The following NEB variants were observed in gnomAD, a reference collection of about 807,000 sequenced individuals.
NEB encodes nemaline myopathy type 2.
NEB carries 512 observed loss-of-function variants against 952.2 expected under a neutral mutation model. That is an observed-to-expected ratio of 0.54 (90% CI 0.50 to 0.58). The LOEUF (loss-of-function observed/expected upper bound fraction) is 0.58. NEB is among the 20% of genes least tolerant of loss of function. NEB has a pLI of 0.00. For missense variants in NEB, 8,428 were observed against 9,231.1 expected (o/e 0.91, Z 3.56); for synonymous variants, 2,900 against 3,149.8 (o/e 0.92, Z 2.66).
intron 125 of NEB, among the ~76,000 whole-genome samples, chr2:151,554,393 C>T (rs1373305404): frequency 6.6e-6 from 1 of 151,746 alleles, no homozygotes; most frequent in African/African-American, 2.4e-5. Context: ...AGATTCCAAT[C>T]GCTACAAAAA....
At chr2:151,571,407 T>C (rs1032504590) in intron 107 of NEB, among the ~76,000 whole-genome samples, 1 of 152,246 alleles carries the variant, frequency 6.6e-6, no homozygotes, top group Non-Finnish European at 1.5e-5. Flanking sequence ...TGTTGGTGTA[T>C]TGGTAACATT....
intron 124 of NEB, 29 bp downstream of exon 124, chr2:151,560,563 G>GGGGGGGGGGA: frequency 7.5e-7 from 1 of 1,325,120 alleles, no homozygotes; most frequent in Non-Finnish European, 1.0e-6. Context: ...GGGAGGGTGG[G>GGGGGGGGGGA]AAAGCTGTCA....
At chr2:151,503,516 A>G (rs939143142) in intron 165 of NEB, 75 bp from the exon 166 acceptor site, 2 of 945,874 alleles carry the variant, frequency 2.1e-6, no homozygotes, top group African/African-American at 3.3e-5. Context: ...CATGTGGGCT[A>G]TTTGGGGGAA....
rs180857677 is a variant in NEB at position 151,497,191 on chromosome 2, T to C, written c.24301-158A>G. 108 of 740,458 alleles carry C rather than the reference T, an allele frequency of 1.5e-4. 1 individual carries two copies. The African/African-American group carries it at 1.7e-3, about 12-fold the overall frequency. 45.9% of individuals were successfully genotyped at this position (740,458 alleles called of 1,614,324 possible). A position where few individuals can be genotyped will look rare whatever the true frequency, so the allele number is the denominator to read the frequency against. ...CAAAATGCCACCGACTACTTTACTT[T>C]AGTGGAAGTTGTTGGGATGGGGAAT... On this transcript the variant is annotated intron_variant, in intron 171 of 181. Coordinates refer to ENST00000397345, the MANE Select transcript of NEB (RefSeq NM_001164508.2).
chr2:151,569,396 G>C, intron 109 of NEB, 24 bp from the exon 110 acceptor site: 1 of 1,562,390 alleles, frequency 6.4e-7, no homozygotes, highest in Non-Finnish European at 8.8e-7. Context: ...GCCAGAATGA[G>C]TTCAGCAACC....
chr2:151,610,241 C>A, intron 80 of NEB, 121 bp from the exon 81 acceptor site: 1 of 834,000 alleles, frequency 1.2e-6, no homozygotes, highest in Non-Finnish European at 1.8e-6. Context: ...CATCTCTGAA[C>A]TATTATATTT....
At chr2:151,610,396 G>A in intron 80 of NEB, 120 bp downstream of exon 80, 1 of 788,838 alleles carries the variant, frequency 1.3e-6, no homozygotes, top group Non-Finnish European at 2.1e-6. Flanking sequence ...GGTCTTGAGA[G>A]GTAGGAAGTA....
chr2:151,493,215 T>A (rs2057932944), intron 176 of NEB, 138 bp downstream of exon 176: 1 of 675,960 alleles, frequency 1.5e-6, no homozygotes, highest in Non-Finnish European at 2.5e-6. Context: ...TGTTAAAACG[T>A]TACTTTCCAA....
At chr2:151,655,657 A>G (rs1483698619) in intron 50 of NEB, among the ~76,000 whole-genome samples, 160 bp downstream of exon 50, 1 of 152,232 alleles carries the variant, frequency 6.6e-6, no homozygotes, top group Non-Finnish European at 1.5e-5. Context: ...AAGAAAAAAA[A>G]TAAGAGATGG....
At chr2:151,643,009 TCAATAA>T (rs2098902640) in intron 58 of NEB, 135 bp downstream of exon 58, 1 of 1,152,926 alleles carries the variant, frequency 8.7e-7, no homozygotes, top group African/African-American at 1.6e-5. Flanking sequence ...ATGTCTTGTG[TCAATAA>T]GAAGCACAAT....
At chr2:151,504,720 G>C (rs2067418209) in intron 165 of NEB, among the ~76,000 whole-genome samples, 1 of 152,190 alleles carries the variant, frequency 6.6e-6, no homozygotes, top group Admixed American at 6.5e-5. Context: ...CACCTGCCTA[G>C]AATCTGCGTA....
At chr2:151,546,554 C>T in intron 133 of NEB, 111 bp from the exon 134 acceptor site, 14 of 478,494 alleles carry the variant, frequency 2.9e-5, no homozygotes, top group Middle Eastern at 4.2e-4. Context: ...TTTGGTTCAT[C>T]TACTTTTTTT....
intron 106 of NEB, 141 bp downstream of exon 106, chr2:151,576,006 TAAGC>T (rs2096815860): frequency 1.3e-6 from 1 of 759,854 alleles, no homozygotes; most frequent in African/African-American, 1.8e-5. Flanking sequence ...TTAAAATTAA[TAAGC>T]AAACCAAGAC....
intron 153 of NEB, among the ~76,000 whole-genome samples, chr2:151,521,246 G>C (rs1461137687): frequency 6.6e-6 from 1 of 152,142 alleles, no homozygotes; most frequent in African/African-American, 2.4e-5. Flanking sequence ...ACAATGCTGA[G>C]ACTCCTTTAC....
At chr2:151,724,200 C>T (rs2099783819) in intron 8 of NEB, 60 bp downstream of exon 8, 2 of 1,268,556 alleles carry the variant, frequency 1.6e-6, no homozygotes, top group African/African-American at 1.5e-5. Flanking sequence ...CCAAGTATTA[C>T]ATGAAATATA....
At chr2:151,691,801 T>A in intron 23 of NEB, 63 bp downstream of exon 23, 1 of 1,192,998 alleles carries the variant, frequency 8.4e-7, no homozygotes, top group Non-Finnish European at 1.2e-6. Flanking sequence ...TCCTGCTAAA[T>A]TTACCACTAG....
intron 142 of NEB, 138 bp from the exon 143 acceptor site, chr2:151,533,684 C>T (rs2092389052): frequency 1.7e-6 from 1 of 598,572 alleles, no homozygotes; most frequent in Non-Finnish European, 3.0e-6. Flanking sequence ...CGGGTGAAGA[C>T]ATCAAATACA....
chr2:151,528,772 G>A (rs1262113620), intron 146 of NEB, among the ~76,000 whole-genome samples: 1 of 152,212 alleles, frequency 6.6e-6, no homozygotes, highest in African/African-American at 2.4e-5. Context: ...GGGAATATCT[G>A]AGCAGGAAGA....
At position 151,625,586 on chromosome 2, in the gene NEB, G is replaced by C. The variant is rs1186582483; in HGVS notation, c.10400C>G (p.Pro3467Arg). The C allele has an allele frequency of 1.2e-6, 2 of 1,606,442 alleles. No individual in the cohort carries two copies. The highest frequency in any genetic ancestry group is 1.7e-6 in the Non-Finnish European group (2 of 1,174,780). ...DKDKTQVHIM[P>R]DTPEIMLARQ... ...TGCCAACATGATTTCAGGTGTATCA[G>C]GCATAATATGGACTTGGGTCTTGTC... is the stretch of plus-strand genomic sequence containing the variant. The change falls in exon 71 of 182, where the codon CCT becomes CGT. Residue 3467 changes from proline to arginine, a missense_variant. Pro to Arg is a moderately radical substitution (Grantham distance 103). Transcript: ENST00000397345.
Sources: allele counts gnomAD v4.1 joint callset (sites outside exome capture counted in the v4.1 genomes callset), GRCh38; gene constraint gnomAD v4.1.1; transcripts MANE v1.5; gene names NCBI Gene and HGNC (gene_info 2026-07-23, HGNC 2026-07-21).